The following SPATA20 variants were observed in gnomAD, a reference collection of about 807,000 sequenced individuals.
The protein encoded by SPATA20 is spermatogenesis associated 20.
SPATA20 carries 74 observed loss-of-function variants against 98.9 expected under a neutral mutation model. The ratio of observed to expected loss-of-function variants is 0.75; its 90% CI spans 0.62 to 0.91. The LOEUF (loss-of-function observed/expected upper bound fraction) is 0.91. SPATA20 is among the 40% of genes least tolerant of loss of function. SPATA20 has a pLI of 0.00. For missense variants in SPATA20, 1,016 were observed against 1,069.8 expected (o/e 0.95, Z 0.70); for synonymous variants, 430 against 440.5 (o/e 0.98, Z 0.30).
intron 15 of SPATA20, among the ~76,000 whole-genome samples, chr17:50,554,885 CTG>C (rs3062812): frequency 0.049 from 6,945 of 141,112 alleles, 163 homozygotes; most frequent in South Asian, 0.1. Flanking sequence ...TGGGCATCTA[CTG>C]TGTGTGTGTG....
chr17:50,553,051 A>T (rs2035040807), intron 14 of SPATA20, among the ~76,000 whole-genome samples: 1 of 152,210 alleles, frequency 6.6e-6, no homozygotes, highest in Admixed American at 6.5e-5. Context: ...TGCAGTAATG[A>T]TGCAAAAACA....
In SPATA20 at chr17:50,554,561, C is replaced by T; in HGVS notation, c.2157+111C>T. ...CCTGGGCTGTCCCCAGAGCTCAGGT[C>T]TGTGTGTGTGCAGGCACGTGGCCTG... On this transcript the variant is annotated intron_variant, in intron 15 of 16. Transcript: ENST00000006658. 1.8e-5 allele frequency: 20 copies of T among 1,130,904 alleles called. 1 individual carries two copies. The highest frequency in any genetic ancestry group is 2.6e-5 in the Non-Finnish European group (20 of 763,772). 70.1% of individuals were successfully genotyped at this position (1,130,904 alleles called of 1,614,324 possible). A position where few individuals can be genotyped will look rare whatever the true frequency, so the allele number is the denominator to read the frequency against.
chr17:50,549,021 A>G (rs1423549904), intron 5 of SPATA20, 22 bp from the exon 6 acceptor site: 3 of 1,613,282 alleles, frequency 1.9e-6, no homozygotes, highest in African/African-American at 1.3e-5. Context: ...AGCTCCCCTC[A>G]CCCTCGCCCT....
chr17:50,549,132 G>A lies in SPATA20; in HGVS notation c.606G>A (p.Glu202=), dbSNP rs140922230. The change falls in exon 6 of 17, where the codon GAG becomes GAA. Residue 202 remains glutamate (E), a synonymous_variant. Coordinates refer to ENST00000006658, the MANE Select transcript of SPATA20 (RefSeq NM_022827.4). ...PFVGGTYFPP[E]DGLTRVGFRT... ...TCGGGGGCACCTATTTCCCTCCTGAGGATGGCTTGACCCGAGTCGGCTTCC... is the reference window on the plus strand; with the variant it reads ...TCGGGGGCACCTATTTCCCTCCTGAAGATGGCTTGACCCGAGTCGGCTTCC... 4.0e-4 allele frequency: 638 copies of A among 1,611,900 alleles called. 3 individuals are homozygous for A. The African/African-American group carries it at 7.0e-3, about 18-fold the overall frequency.
chr17:50,547,646 T>C (rs768609042), intron 1 of SPATA20, 74 bp from the exon 2 acceptor site: 2 of 778,496 alleles, frequency 2.6e-6, no homozygotes, highest in Admixed American at 1.7e-5. Context: ...TATTGCTGCA[T>C]GGACCTTTCG....
Position 50,551,585 on chromosome 17 carries a change from G to A in SPATA20, c.1651G>A (p.Gly551Ser), listed in dbSNP as rs2035016313. The A allele has an allele frequency of 6.2e-7, 1 of 1,607,860 alleles. No individual in the cohort carries two copies. Among genetic ancestry groups the A allele is most frequent in the Non-Finnish European group, 8.5e-7 (1 of 1,175,050 alleles). ...QDRLINYATN[G>S]AKFLKRHMFD... Reference sequence around the variant, plus strand: ...CAGGCTGATCAACTATGCCACCAATGGTGCCAAGTTCCTGAAGCGGCACAT... The same window carrying A: ...CAGGCTGATCAACTATGCCACCAATAGTGCCAAGTTCCTGAAGCGGCACAT... The change falls in exon 13 of 17, where the codon GGT becomes AGT. Residue 551 changes from glycine (G) to serine (S), a missense_variant. Transcript: ENST00000006658.
At position 50,549,136 on chromosome 17, in the gene SPATA20, G is replaced by A. The variant is rs770133444; in HGVS notation, c.610G>A (p.Gly204Ser). 6.2e-7 allele frequency: 1 copy of A among 1,611,148 alleles called. No individual in the cohort carries two copies. The highest frequency in any genetic ancestry group is 8.5e-7 in the Non-Finnish European group (1 of 1,178,500). The change falls in exon 6 of 17, where the codon GGC becomes AGC. Residue 204 changes from glycine (G) to serine (S), a missense_variant. Coordinates refer to ENST00000006658, the MANE Select transcript of SPATA20 (RefSeq NM_022827.4). ...VGGTYFPPEDGLTRVGFRTVL... is the reference protein window; with the variant it reads ...VGGTYFPPEDSLTRVGFRTVL... ...GGGCACCTATTTCCCTCCTGAGGAT[G>A]GCTTGACCCGAGTCGGCTTCCGCAC...
chr17:50,548,991 GCGCCA>G, intron 5 of SPATA20, 27 bp downstream of exon 5: 1 of 1,614,062 alleles, frequency 6.2e-7, no homozygotes, highest in African/African-American at 1.3e-5. Context: ...GGGAGTGTAT[GCGCCA>G]CATGGGCTCA....
Position 50,551,971 on chromosome 17 carries a change from A to G in SPATA20, c.1748A>G (p.Asn583Ser). 6.3e-7 allele frequency: 1 copy of G among 1,591,092 alleles called. No homozygotes were observed. The highest frequency in any genetic ancestry group is 8.6e-7 in the Non-Finnish European group (1 of 1,168,182). Residue 583 changes from asparagine (N) to serine (S), a missense_variant and splice_region_variant, in exon 14 of 17, where the codon AAC (asparagine) becomes AGC (serine). Coordinates refer to ENST00000006658, the MANE Select transcript of SPATA20 (RefSeq NM_022827.4). Reference protein sequence around the residue: ...TGPGGTVEHSNPPCWGFLEDY... With the variant: ...TGPGGTVEHSSPPCWGFLEDY... Reference sequence around the variant, plus strand: ...CTCCCGTAATGCCTGTCCCCCAGCAACCCACCCTGCTGGGGCTTCCTGGAG... The same window carrying G: ...CTCCCGTAATGCCTGTCCCCCAGCAGCCCACCCTGCTGGGGCTTCCTGGAG...
rs754754680 is a variant in SPATA20 at position 50,551,500 on chromosome 17, C to A, written c.1577-11C>A. 1.3e-6 allele frequency: 2 copies of A among 1,587,964 alleles called. No homozygotes were observed. Among genetic ancestry groups the A allele is most frequent in the African/African-American group, 2.7e-5 (2 of 74,544 alleles). On this transcript the variant is annotated splice_polypyrimidine_tract_variant and intron_variant, in intron 12 of 16. Transcript: ENST00000006658. ...CAGCTTCTTACCACTACTTGTCTCT[C>A]CTGGCTCCAGGCTTGATGGTGTCAG... is the stretch of plus-strand genomic sequence containing the variant.
chr17:50,554,172 CT>C, intron 14 of SPATA20, 78 bp from the exon 15 acceptor site: 1 of 1,382,458 alleles, frequency 7.2e-7, no homozygotes, highest in Non-Finnish European at 1.0e-6. Context: ...CCAAGTGGCC[CT>C]GGATACAGTC....
chr17:50,550,980 A>G lies in SPATA20; in HGVS notation c.1384-18A>G. The G allele has an allele frequency of 6.2e-7, 1 of 1,612,730 alleles. No homozygotes were observed. The highest frequency in any genetic ancestry group is 8.5e-7 in the Non-Finnish European group (1 of 1,179,594). On this transcript the variant is annotated intron_variant, in intron 11 of 16. Transcript: ENST00000006658. ...CTGCCAGGCGTGTGAGCTCGCAGACAAAGGCCATTCTCCTCAGGACCCCAA... is the reference window on the plus strand; with the variant it reads ...CTGCCAGGCGTGTGAGCTCGCAGACGAAGGCCATTCTCCTCAGGACCCCAA...
chr17:50,547,258 C>G lies in SPATA20; in HGVS notation c.50C>G (p.Ala17Gly). The G allele has an allele frequency of 3.6e-6, 5 of 1,375,824 alleles. No homozygotes were observed. The highest frequency in any genetic ancestry group is 4.7e-6 in the Non-Finnish European group (5 of 1,073,280). 85.2% of individuals were successfully genotyped at this position (1,375,824 alleles called of 1,614,324 possible). ...WLGRVLLLPR[A>G]GAGLAASRRC... ...GGCCGCGTCCTTCTGCTGCCCCGCG[C>G]CGGTGCAGGCCTCGCCGCGAGCCGC... The change falls in exon 1 of 17, where the codon GCC (alanine) becomes GGC (glycine). Residue 17 changes from alanine (A) to glycine (G), a missense_variant. Physicochemically the swap from Ala to Gly is moderately conservative, Grantham distance 60. Coordinates refer to ENST00000006658, the MANE Select transcript of SPATA20 (RefSeq NM_022827.4).
chr17:50,555,339 C>G, intron 16 of SPATA20, 27 bp downstream of exon 16: 1 of 1,605,846 alleles, frequency 6.2e-7, no homozygotes, highest in South Asian at 1.1e-5. Context: ...GCCCAATCTG[C>G]CACCTCCCCA....
At chr17:50,555,138 C>A in intron 15 of SPATA20, 94 bp from the exon 16 acceptor site, 1 of 957,192 alleles carries the variant, frequency 1.0e-6, no homozygotes, top group Non-Finnish European at 1.7e-6. Flanking sequence ...TAGAGATATA[C>A]GGTGGGGCGG....
chr17:50,548,067 C>A (rs567579227), intron 2 of SPATA20: 302 of 1,498,760 alleles, frequency 2.0e-4, no homozygotes, highest in Non-Finnish European at 2.6e-4. Flanking sequence ...GGGAGACTAA[C>A]CTGGCAAGGA....
In SPATA20 at chr17:50,555,784, C is replaced by T. The variant is rs2035111662; in HGVS notation, c.*122C>T. 3.6e-6 allele frequency: 3 copies of T among 830,060 alleles called. No homozygotes were observed. Among genetic ancestry groups the T allele is most frequent in the African/African-American group, 3.4e-5 (2 of 58,064 alleles). The allele number at this position is 830,060 out of a possible 1,614,324, so 51.4% of individuals were successfully genotyped here. On this transcript the variant is annotated 3_prime_UTR_variant, in exon 17 of 17. Coordinates refer to ENST00000006658, the MANE Select transcript of SPATA20 (RefSeq NM_022827.4). Reference sequence around the variant, plus strand: ...TGAGCACCCTGCCACCAGGTGACCTCGGCCATACTCACTGCCCCCCTTGGG... The same window carrying T: ...TGAGCACCCTGCCACCAGGTGACCTTGGCCATACTCACTGCCCCCCTTGGG...
At chr17:50,552,623 A>G (rs2035035188) in intron 14 of SPATA20, among the ~76,000 whole-genome samples, 1 of 133,148 alleles carries the variant, frequency 7.5e-6, no homozygotes, top group African/African-American at 2.9e-5. Flanking sequence ...ATGCAGTGGC[A>G]TGATCTTGGC....
At chr17:50,553,605 C>T (rs1187656174) in intron 14 of SPATA20, among the ~76,000 whole-genome samples, 2 of 150,722 alleles carry the variant, frequency 1.3e-5, no homozygotes, top group Non-Finnish European at 2.9e-5. Flanking sequence ...TCTCAAACTC[C>T]TGGGCTCAGG....
Sources: allele counts gnomAD v4.1 joint callset (sites outside exome capture counted in the v4.1 genomes callset), GRCh38; gene constraint gnomAD v4.1.1; transcripts MANE v1.5; gene names NCBI Gene and HGNC (gene_info 2026-07-23, HGNC 2026-07-21).